Variants in OSBPL8 observed in about 807,000 individuals in gnomAD.
The protein encoded by OSBPL8 is oxysterol binding protein like 8.
OSBPL8 carries 59 observed loss-of-function variants against 125.5 expected under a neutral mutation model. That is an observed-to-expected ratio of 0.47 (90% confidence interval 0.38 to 0.58). The LOEUF is 0.58. OSBPL8 is among the 20% of genes least tolerant of loss of function. The pLI is 0.00. For missense variants in OSBPL8, 758 were observed against 1,047.8 expected (o/e 0.72, Z 3.82); for synonymous variants, 330 against 338.9 (o/e 0.97, Z 0.29).
At chr12:76,476,335 C>T (rs1592750018) in intron 2 of OSBPL8, among the ~76,000 whole-genome samples, 1 of 152,018 alleles carries the variant, frequency 6.6e-6, no homozygotes. Flanking sequence ...TGAAAGACAA[C>T]AAACTGAACA....
At position 76,480,889 on chromosome 12, in the gene OSBPL8, T is replaced by C. The variant is rs572211095; in HGVS notation, c.42+6621A>G. Among the ~76,000 whole-genome samples, 3 of 152,248 alleles carry C rather than the reference T, an allele frequency of 2.0e-5. No homozygotes were observed. In the South Asian group the frequency reaches 6.2e-4, roughly 32 times the overall value. On this transcript the variant is annotated intron_variant, in intron 2 of 23. Coordinates refer to ENST00000261183, the MANE Select transcript of OSBPL8 (RefSeq NM_020841.5). ...TCTGTAGTGAAAGGGGCTCTGCAGA[T>C]GTGATTAGGTTAAGGATCTTGATAT...
At chr12:76,493,449 A>G (rs905857625) in intron 1 of OSBPL8, among the ~76,000 whole-genome samples, 1 of 152,176 alleles carries the variant, frequency 6.6e-6, no homozygotes, top group Non-Finnish European at 1.5e-5. Flanking sequence ...TTTTCTGGGA[A>G]AGTCTTCACG....
intron 1 of OSBPL8, among the ~76,000 whole-genome samples, chr12:76,551,832 A>G (rs1200237878): frequency 6.6e-6 from 1 of 152,222 alleles, no homozygotes; most frequent in Non-Finnish European, 1.5e-5. Context: ...CTTATACTTA[A>G]GGCAACACTA....
chr12:76,495,636 C>T (rs1188436818), intron 1 of OSBPL8, among the ~76,000 whole-genome samples: 2 of 151,998 alleles, frequency 1.3e-5, no homozygotes, highest in Admixed American at 6.6e-5. Flanking sequence ...AAAAGGCAAA[C>T]GACAATGACA....
chr12:76,526,635 CTTTTTTTTTTTTTTTTTTT>C (rs573409160), intron 1 of OSBPL8, among the ~76,000 whole-genome samples: 15 of 64,264 alleles, frequency 2.3e-4, no homozygotes, highest in African/African-American at 6.8e-4. Flanking sequence ...CAGTAAATCT[CTTTTTTTTTTTTTTTTTTT>C]TTTTTTTTTT....
At chr12:76,443,246 T>C (rs1321992592) in intron 4 of OSBPL8, among the ~76,000 whole-genome samples, 1 of 152,196 alleles carries the variant, frequency 6.6e-6, no homozygotes. Flanking sequence ...CAAAGCACTA[T>C]AATTGAAAGA....
At chr12:76,517,536 A>G (rs545914422) in intron 1 of OSBPL8, among the ~76,000 whole-genome samples, 1 of 152,240 alleles carries the variant, frequency 6.6e-6, no homozygotes, top group South Asian at 2.1e-4. Flanking sequence ...GCTAAAATAG[A>G]TGACAATGAT....
intron 1 of OSBPL8, among the ~76,000 whole-genome samples, chr12:76,499,979 C>T (rs1236340231): frequency 6.6e-6 from 1 of 152,096 alleles, no homozygotes; most frequent in Non-Finnish European, 1.5e-5. Flanking sequence ...CTTTACCTGC[C>T]CTGGAAGATT....
intron 1 of OSBPL8, among the ~76,000 whole-genome samples, chr12:76,554,549 G>A (rs1188559667): frequency 6.6e-6 from 1 of 151,980 alleles, no homozygotes; most frequent in Non-Finnish European, 1.5e-5. Context: ...AGTTGCTCAG[G>A]TTTAAAAAAA....
At chr12:76,466,820 C>G (rs1875495779) in intron 2 of OSBPL8, among the ~76,000 whole-genome samples, 1 of 152,012 alleles carries the variant, frequency 6.6e-6, no homozygotes, top group Non-Finnish European at 1.5e-5. Context: ...ATTAGCCAGG[C>G]ATGCTGGCAG....
In OSBPL8 at chr12:76,375,337, C is replaced by T. The variant is rs766101226; in HGVS notation, c.1763G>A (p.Gly588Asp). 6.2e-7 allele frequency: 1 copy of T among 1,612,136 alleles called. No individual in the cohort carries two copies. Among genetic ancestry groups the T allele is most frequent in the South Asian group, 1.1e-5 (1 of 91,016 alleles). ...ILYGTMTLEL[G>D]GTVNITCQKT... ...TTGACATGTAATATTGACTGTTCCA[C>T]CAAGCTCCAGTGTCATTGTACCATA... Residue 588 changes from glycine (G) to aspartate (D), a missense_variant, in exon 17 of 24, where the codon GGT (glycine) becomes GAT (aspartate). By Grantham distance (94) the Gly-to-Asp change is moderately conservative. This residue lies in a region of OSBPL8 where 572 missense variants were observed against 762.0 expected (regional missense o/e 0.75). Transcript: ENST00000261183.
chr12:76,507,881 T>C (rs1565954104), intron 1 of OSBPL8, among the ~76,000 whole-genome samples: 1 of 147,962 alleles, frequency 6.8e-6, no homozygotes, highest in South Asian at 2.1e-4. Context: ...AGAATATTAC[T>C]GGAAGATGGC....
At chr12:76,371,915 T>G (rs1952633835) in intron 18 of OSBPL8, 1 of 166,726 alleles carries the variant, frequency 6.0e-6, no homozygotes, top group African/African-American at 2.4e-5. Flanking sequence ...AGCATAGTAT[T>G]TGTTGCAGCT....
At chr12:76,534,556 T>C (rs1404415506) in intron 1 of OSBPL8, among the ~76,000 whole-genome samples, 1 of 152,148 alleles carries the variant, frequency 6.6e-6, no homozygotes, top group Non-Finnish European at 1.5e-5. Flanking sequence ...CCTTAATATA[T>C]ACAATATCTG....
intron 16 of OSBPL8, among the ~76,000 whole-genome samples, chr12:76,376,494 TC>T (rs1952823034): frequency 2.0e-5 from 3 of 152,318 alleles, no homozygotes; most frequent in Non-Finnish European, 4.4e-5. Context: ...TTTCATATGC[TC>T]ATTCGCAAGT....
At chr12:76,402,012 G>C (rs1954069590) in intron 6 of OSBPL8, among the ~76,000 whole-genome samples, 1 of 152,086 alleles carries the variant, frequency 6.6e-6, no homozygotes, top group Admixed American at 6.5e-5. Context: ...ATGATAAACA[G>C]ACTAGACATA....
At chr12:76,448,576 C>G (rs1337733945) in intron 4 of OSBPL8, among the ~76,000 whole-genome samples, 1 of 152,126 alleles carries the variant, frequency 6.6e-6, no homozygotes, top group Non-Finnish European at 1.5e-5. Flanking sequence ...AACAAAAATG[C>G]TAACTTTTCA....
chr12:76,393,449 G>A (rs896503734), intron 9 of OSBPL8, among the ~76,000 whole-genome samples: 5 of 152,028 alleles, frequency 3.3e-5, no homozygotes, highest in African/African-American at 1.2e-4. Context: ...GGTGGCTCAC[G>A]CCCGTAATCC....
chr12:76,411,820 A>G (rs1954526290), intron 4 of OSBPL8, among the ~76,000 whole-genome samples: 1 of 152,144 alleles, frequency 6.6e-6, no homozygotes, highest in Non-Finnish European at 1.5e-5. Flanking sequence ...CTATAATGAG[A>G]CAGAAACCTA....
Sources: allele counts gnomAD v4.1 joint callset (sites outside exome capture counted in the v4.1 genomes callset), GRCh38; gene constraint gnomAD v4.1.1; regional missense constraint gnomAD v4.1.1; transcripts MANE v1.5; gene names NCBI Gene and HGNC (gene_info 2026-07-23, HGNC 2026-07-21).